The following STON1 variants were observed in gnomAD, a reference collection of about 807,000 sequenced individuals.
STON1 encodes the protein stonin-1.
In STON1, 79 loss-of-function variants were observed where a neutral mutation model predicts 60.9. The ratio of observed to expected loss-of-function variants is 1.30; its 90% confidence interval spans 1.08 to 1.56. STON1 has a LOEUF of 1.56. Among genes scored for constraint, STON1 ranks in the 40% most tolerant of loss-of-function variants. The pLI is 0.00. For synonymous variants in STON1, 363 were observed against 306.9 expected (o/e 1.18, Z -1.91); for missense variants, 1,166 against 858.9 (o/e 1.36, Z -4.47).
At chr2:48,594,285 C>G (rs190431405) in intron 3 of STON1, among the ~76,000 whole-genome samples, 1 of 152,146 alleles carries the variant, frequency 6.6e-6, no homozygotes, top group African/African-American at 2.4e-5. Context: ...GGCATGGAGA[C>G]TGTGTTTATA....
At chr2:48,566,903 T>G (rs73927989) in intron 1 of STON1, among the ~76,000 whole-genome samples, 124 of 152,236 alleles carry the variant, frequency 8.1e-4, no homozygotes, top group Middle Eastern at 3.4e-3. Flanking sequence ...AGGCTGAAGT[T>G]GAAAGGCCTA....
In STON1 at chr2:48,582,535, G is replaced by C. The variant is rs1431895630; in HGVS notation, c.1902G>C (p.Lys634Asn). ...GTGCCTACCAGGCAGTGGTATGGAAGATAGATCGGCTTCCAGACAAAAATT... is the reference window on the plus strand; with the variant it reads ...GTGCCTACCAGGCAGTGGTATGGAACATAGATCGGCTTCCAGACAAAAATT... Reference protein sequence around the residue: ...YESAYQAVVWKIDRLPDKNSS... With the variant: ...YESAYQAVVWNIDRLPDKNSS... The change falls in exon 2 of 4, where the codon AAG (lysine) becomes AAC (asparagine). Residue 634 changes from lysine to asparagine, a missense_variant. Coordinates refer to ENST00000404752, the MANE Select transcript of STON1 (RefSeq NM_006873.4). 1 of 1,610,014 alleles carries C rather than the reference G, an allele frequency of 6.2e-7. No homozygotes were observed. Among genetic ancestry groups the C allele is most frequent in the Non-Finnish European group, 8.5e-7 (1 of 1,178,302 alleles).
At chr2:48,580,314 A>G (rs1229843501) in intron 1 of STON1, among the ~76,000 whole-genome samples, 1 of 152,004 alleles carries the variant, frequency 6.6e-6, no homozygotes, top group Non-Finnish European at 1.5e-5. Context: ...CTTAAAGTTT[A>G]TTTTGCTTAA....
At chr2:48,577,988 A>AT (rs1318782601) in intron 1 of STON1, among the ~76,000 whole-genome samples, 46 of 141,966 alleles carry the variant, frequency 3.2e-4, no homozygotes, top group Middle Eastern at 4.2e-3. Flanking sequence ...TCTTTTATCT[A>AT]TTTTTTTTTT....
chr2:48,532,455 A>G (rs1671253776), intron 1 of STON1, among the ~76,000 whole-genome samples: 1 of 151,190 alleles, frequency 6.6e-6, no homozygotes, highest in African/African-American at 2.4e-5. Flanking sequence ...AAAAAAAACA[A>G]CAAAAGTAAG....
intron 1 of STON1, among the ~76,000 whole-genome samples, chr2:48,576,180 CCTTT>C: frequency 2.5e-5 from 3 of 121,330 alleles, no homozygotes; most frequent in Admixed American, 9.6e-5. Context: ...TTGTTGTTTT[CCTTT>C]CTTTTTTTTT....
intron 1 of STON1, among the ~76,000 whole-genome samples, chr2:48,535,373 G>T (rs1671382529): frequency 6.6e-6 from 1 of 152,176 alleles, no homozygotes; most frequent in South Asian, 2.1e-4. Context: ...TTTAGTGTGA[G>T]TGATTCTGGG....
At chr2:48,561,785 G>T (rs778606564) in intron 1 of STON1, among the ~76,000 whole-genome samples, 40 of 152,180 alleles carry the variant, frequency 2.6e-4, no homozygotes, top group Non-Finnish European at 5.0e-4. Context: ...CTGGGTGGTG[G>T]TAATGAATAT....
intron 2 of STON1, among the ~76,000 whole-genome samples, chr2:48,584,112 A>G (rs556559690): frequency 7.9e-5 from 12 of 152,246 alleles, no homozygotes; most frequent in African/African-American, 2.9e-4. Flanking sequence ...TGCTGGGGAT[A>G]AAGATAAATA....
chr2:48,588,319 T>C (rs1439077653), intron 2 of STON1, among the ~76,000 whole-genome samples: 1 of 152,226 alleles, frequency 6.6e-6, no homozygotes, highest in East Asian at 1.9e-4. Flanking sequence ...TTTAAAATTT[T>C]ATCCTTTTCA....
chr2:48,578,829 G>T (rs1257072239), intron 1 of STON1, among the ~76,000 whole-genome samples: 1 of 151,774 alleles, frequency 6.6e-6, no homozygotes, highest in African/African-American at 2.4e-5. Context: ...GACCTCAAGT[G>T]ATCTACCCAC....
At chr2:48,555,442 C>T (rs1433391873) in intron 1 of STON1, among the ~76,000 whole-genome samples, 1 of 77,252 alleles carries the variant, frequency 1.3e-5, no homozygotes, top group African/African-American at 5.0e-5. Context: ...ACTGGCCGGG[C>T]AGGGGGGCTG....
At chr2:48,538,453 G>A (rs534773535) in intron 1 of STON1, among the ~76,000 whole-genome samples, 1 of 152,220 alleles carries the variant, frequency 6.6e-6, no homozygotes, top group African/African-American at 2.4e-5. Flanking sequence ...TGATAATTTA[G>A]TTTAGATGAT....
chr2:48,572,933 A>G (rs946190026), intron 1 of STON1, among the ~76,000 whole-genome samples: 83 of 152,202 alleles, frequency 5.5e-4, no homozygotes, highest in African/African-American at 1.9e-3. Context: ...GCCTCCAGGG[A>G]GCCAGCAGCC....
In STON1 at chr2:48,581,320, C is replaced by G; in HGVS notation, c.687C>G (p.Ile229Met). 3.9e-6 allele frequency: 6 copies of G among 1,532,044 alleles called. No individual in the cohort carries two copies. The highest frequency in any genetic ancestry group is 5.2e-6 in the Non-Finnish European group (6 of 1,143,186). The allele number at this position is 1,532,044 out of a possible 1,614,324, so 94.9% of individuals were successfully genotyped here. ...TAAATAAGTGTTCACTCAACTATAT[C>G]TGTGAGAAGCTTGAACATCTCCAGT... Reference protein sequence around the residue: ...KSLNKCSLNYICEKLEHLQSA... With the variant: ...KSLNKCSLNYMCEKLEHLQSA... Residue 229 changes from isoleucine (I) to methionine (M), a missense_variant, in exon 2 of 4, where the codon ATC (isoleucine) becomes ATG (methionine). Coordinates refer to ENST00000404752, the MANE Select transcript of STON1 (RefSeq NM_006873.4).
chr2:48,536,562 A>G (rs1001693550), intron 1 of STON1, among the ~76,000 whole-genome samples: 3 of 151,840 alleles, frequency 2.0e-5, no homozygotes, highest in Non-Finnish European at 4.4e-5. Flanking sequence ...AAAAAAAAAA[A>G]AAAAAAAAAG....
Position 48,581,609 on chromosome 2 carries a change from C to T in STON1, c.976C>T (p.Pro326Ser). The T allele has an allele frequency of 6.2e-7, 1 of 1,614,184 alleles. No homozygotes were observed. Among genetic ancestry groups the T allele is most frequent in the African/African-American group, 1.3e-5 (1 of 75,040 alleles). The change falls in exon 2 of 4, where the codon CCA (proline) becomes TCA (serine). Residue 326 changes from proline to serine, a missense_variant. Physicochemically the swap from Pro to Ser is moderately conservative, Grantham distance 74. Transcript: ENST00000404752. ...EKPFKEIQLD[P>S]YCRLSEPKVE... Reference sequence around the variant, plus strand: ...ACCATTTAAAGAGATACAGCTTGATCCATATTGTAGGCTTTCTGAACCCAA... The same window carrying T: ...ACCATTTAAAGAGATACAGCTTGATTCATATTGTAGGCTTTCTGAACCCAA...
chr2:48,536,006 G>T (rs887897268), intron 1 of STON1, among the ~76,000 whole-genome samples: 1 of 152,134 alleles, frequency 6.6e-6, no homozygotes, highest in East Asian at 1.9e-4. Flanking sequence ...AGGATCACTT[G>T]AGCTGGGGAG....
intron 1 of STON1, chr2:48,531,072 G>C (rs1405998138): frequency 6.6e-6 from 1 of 152,202 alleles, no homozygotes; most frequent in Non-Finnish European, 1.5e-5. Context: ...GAGAGAGAAT[G>C]CTTGCTAAAA....
Sources: gnomAD v4.1 joint callset for allele counts (sites outside exome capture counted in the v4.1 genomes callset) on GRCh38, gnomAD v4.1.1 for gene constraint, MANE v1.5 for transcripts, NCBI Gene and HGNC (gene_info 2026-07-23, HGNC 2026-07-21) for gene names.